ZNF75D: variants seen among roughly 807,000 people sequenced by gnomAD.
ZNF75D encodes the protein zinc finger protein 75.
Under a neutral mutation model 33.3 loss-of-function variants are expected in ZNF75D, and 33 were observed. The observed-to-expected ratio is 0.99, with a 90% CI of 0.75 to 1.32. ZNF75D has a LOEUF of 1.32. Ranked by LOEUF, ZNF75D falls within the 40% of genes most tolerant of loss-of-function variation. ZNF75D has a pLI of 0.00. For synonymous variants in ZNF75D, 113 were observed against 130.6 expected (o/e 0.87, Z 0.92); for missense variants, 338 against 367.5 (o/e 0.92, Z 0.66).
At chrX:135,314,162 C>T (rs1160066965) in intron 1 of ZNF75D, among the ~76,000 whole-genome samples, 3 of 111,774 alleles carry the variant, frequency 2.7e-5, no homozygotes, top group Non-Finnish European at 5.7e-5. Flanking sequence ...GAGATATGCT[C>T]CCTCCATGCA....
chrX:135,306,288 T>TATAC (rs1447708166), intron 1 of ZNF75D, among the ~76,000 whole-genome samples: 1 of 83,246 alleles, frequency 1.2e-5, no homozygotes, highest in Admixed American at 1.4e-4. Context: ...CAGAGATACA[T>TATAC]ACACACACAC....
chrX:135,320,943 G>A (rs184238770), intron 1 of ZNF75D, among the ~76,000 whole-genome samples: 58 of 110,854 alleles, frequency 5.2e-4, no homozygotes, highest in African/African-American at 1.8e-3. Flanking sequence ...AGGTTGGGGG[G>A]GGTTATCTTA....
chrX:135,288,553 T>C lies in ZNF75D; in HGVS notation c.824-707A>G, dbSNP rs181774757. Among the ~76,000 whole-genome samples the C allele has an allele frequency of 2.7e-5, 3 of 112,411 alleles. No homozygotes were observed. In the East Asian group the frequency reaches 8.4e-4, roughly 31 times the overall value. On this transcript the variant is annotated intron_variant, in intron 6 of 6. Transcript: ENST00000370766. Reference sequence around the variant, plus strand: ...TACTATTTAGTATCTTGTAGCTAGGTAATAGTTCACTTTTTGCTTAATTTC... The same window carrying C: ...TACTATTTAGTATCTTGTAGCTAGGCAATAGTTCACTTTTTGCTTAATTTC...
chrX:135,289,145 G>A (rs1556420525), intron 6 of ZNF75D, among the ~76,000 whole-genome samples: 1 of 112,549 alleles, frequency 8.9e-6, no homozygotes, highest in Non-Finnish European at 1.9e-5. Context: ...CCGTGCTATA[G>A]CCGTTTTCCT....
chrX:135,261,664 T>C (rs1192115216), intron 1 of ZNF75D, among the ~76,000 whole-genome samples: 1 of 111,802 alleles, frequency 8.9e-6, no homozygotes, highest in Non-Finnish European at 1.9e-5. Flanking sequence ...TCTTTCTCCA[T>C]CCCTTTATTT....
chrX:135,302,479 GAGAA>G (rs1260793531), intron 1 of ZNF75D, among the ~76,000 whole-genome samples: 1 of 112,617 alleles, frequency 8.9e-6, no homozygotes, highest in African/African-American at 3.2e-5. Context: ...AGCTGCTAGA[GAGAA>G]AGAAAAGTTC....
intron 1 of ZNF75D, among the ~76,000 whole-genome samples, chrX:135,257,467 A>G (rs942231530): frequency 8.8e-6 from 1 of 113,308 alleles, no homozygotes; most frequent in Admixed American, 9.2e-5. Context: ...GGAAAACTGT[A>G]TCGTAGTTGG....
At chrX:135,275,027 T>A (rs782089411) in intron 1 of ZNF75D, among the ~76,000 whole-genome samples, 2 of 112,113 alleles carry the variant, frequency 1.8e-5, no homozygotes, top group Non-Finnish European at 3.8e-5. Flanking sequence ...AATTCATAAG[T>A]TACCTAAAAG....
intron 1 of ZNF75D, among the ~76,000 whole-genome samples, chrX:135,273,338 G>A (rs782665452): frequency 1.3e-4 from 14 of 111,125 alleles, no homozygotes; most frequent in South Asian, 7.7e-4. Flanking sequence ...GGGCAAACTC[G>A]CAGCTCAGGG....
At chrX:135,260,372 C>A (rs1472904705) in intron 1 of ZNF75D, among the ~76,000 whole-genome samples, 1 of 111,968 alleles carries the variant, frequency 8.9e-6, no homozygotes, top group Non-Finnish European at 1.9e-5. Context: ...AGGAATGGTA[C>A]CAGCTCCTCT....
chrX:135,287,197 G>C lies in ZNF75D; in HGVS notation c.1473C>G (p.Ser491Arg), dbSNP rs1326491646. The change falls in exon 7 of 7, where the codon AGC becomes AGG. Residue 491 changes from serine (S) to arginine (R), a missense_variant. Ser to Arg is a moderately radical substitution (Grantham distance 110). Coordinates refer to ENST00000370766, the MANE Select transcript of ZNF75D (RefSeq NM_007131.5). ...LCKRNFSRRS[S>R]LLRHQKLHRR... ...TGTGGAGTTTCTGGTGTCTAAGAAGGCTCGATCGCCTACTAAAGTTTCTCT... is the reference window on the plus strand; with the variant it reads ...TGTGGAGTTTCTGGTGTCTAAGAAGCCTCGATCGCCTACTAAAGTTTCTCT... The C allele has an allele frequency of 1.8e-5, 22 of 1,209,510 alleles. No individual in the cohort carries two copies. The highest frequency in any genetic ancestry group is 2.3e-4 in the Middle Eastern group (1 of 4,367).
chrX:135,268,890 A>C (rs2083872203), intron 1 of ZNF75D, among the ~76,000 whole-genome samples: 1 of 111,838 alleles, frequency 8.9e-6, no homozygotes, highest in Admixed American at 9.5e-5. Context: ...GTACCGGCAT[A>C]AACACAGACA....
intron 1 of ZNF75D, among the ~76,000 whole-genome samples, chrX:135,267,420 T>C (rs2083867022): frequency 9.1e-6 from 1 of 110,344 alleles, no homozygotes; most frequent in Admixed American, 9.6e-5. Context: ...AAATCAGAGA[T>C]GAAAAGGGAG....
intron 1 of ZNF75D, among the ~76,000 whole-genome samples, chrX:135,267,731 TA>T (rs2083868067): frequency 2.8e-5 from 3 of 108,970 alleles, no homozygotes; most frequent in Non-Finnish European, 1.9e-5. Flanking sequence ...TTCTGAAAAG[TA>T]GTGAAGGGAA....
At chrX:135,306,870 T>C (rs1296245844) in intron 1 of ZNF75D, among the ~76,000 whole-genome samples, 2 of 111,787 alleles carry the variant, frequency 1.8e-5, no homozygotes, top group Admixed American at 1.9e-4. Flanking sequence ...AGATTTTTAA[T>C]TTATGTATTC....
chrX:135,258,562 T>C (rs997397415), intron 1 of ZNF75D, among the ~76,000 whole-genome samples: 3 of 112,240 alleles, frequency 2.7e-5, no homozygotes, highest in Non-Finnish European at 5.6e-5. Context: ...GGAGCTTTTT[T>C]TCATGTCCCT....
intron 1 of ZNF75D, among the ~76,000 whole-genome samples, chrX:135,257,889 G>A (rs185693508): frequency 2.6e-4 from 29 of 110,128 alleles, no homozygotes; most frequent in African/African-American, 9.5e-4. Context: ...TTATACATGT[G>A]CCATGCTGGT....
chrX:135,272,736 C>A (rs782423849), intron 1 of ZNF75D, among the ~76,000 whole-genome samples: 1 of 111,338 alleles, frequency 9.0e-6, no homozygotes, highest in Non-Finnish European at 1.9e-5. Flanking sequence ...ACGCTGACTT[C>A]CTAGAACTAC....
At chrX:135,268,056 G>C (rs1252065544) in intron 1 of ZNF75D, among the ~76,000 whole-genome samples, 1 of 105,744 alleles carries the variant, frequency 9.5e-6, no homozygotes, top group Non-Finnish European at 1.9e-5. Context: ...ATTTCATAAA[G>C]TCCATATTTC....
Sources: gnomAD v4.1 joint callset for allele counts (sites outside exome capture counted in the v4.1 genomes callset) on GRCh38, gnomAD v4.1.1 for gene constraint, MANE v1.5 for transcripts, NCBI Gene and HGNC (gene_info 2026-07-23, HGNC 2026-07-21) for gene names.